The following ALDH1A1 variants were observed in gnomAD, a reference collection of about 807,000 sequenced individuals.
ALDH1A1 encodes aldehyde dehydrogenase 1A1.
ALDH1A1 carries 19 observed loss-of-function variants against 62.1 expected under a neutral mutation model. The observed-to-expected ratio is 0.31, with a 90% confidence interval of 0.21 to 0.45. ALDH1A1 has a LOEUF of 0.45. Among genes scored for constraint, ALDH1A1 ranks in the 20% least tolerant of loss-of-function variants. The pLI, the probability that ALDH1A1 is intolerant of heterozygous loss-of-function variation, is 1.00. For missense variants in ALDH1A1, 521 were observed against 607.1 expected (o/e 0.86, Z 1.49); for synonymous variants, 231 against 215.9 (o/e 1.07, Z -0.61).
In ALDH1A1 at chr9:72,925,597, C is replaced by T. The variant is rs769827616; in HGVS notation, c.520G>A (p.Val174Ile). The T allele has an allele frequency of 6.2e-7, 1 of 1,612,288 alleles. No homozygotes were observed. Among genetic ancestry groups the T allele is most frequent in the South Asian group, 1.1e-5 (1 of 90,670 alleles). ...GQIIPWNFPL[V>I]MLIWKIGPAL... is the part of the protein sequence containing the mutation. ...GGCCCTATCTTCCAAATGAGCATAA[C>T]CAACGGGAAATTCCACTAGAAAGCA... is the stretch of plus-strand genomic sequence containing the variant. Residue 174 changes from valine (V) to isoleucine (I), a missense_variant, in exon 6 of 13, where the codon GTT (valine) becomes ATT (isoleucine). Val to Ile is a conservative substitution (Grantham distance 29, BLOSUM62 3). Coordinates refer to ENST00000297785, the MANE Select transcript of ALDH1A1 (RefSeq NM_000689.5).
In ALDH1A1 at chr9:72,952,920, A is replaced by G; in HGVS notation, c.66+15T>C. On this transcript the variant is annotated intron_variant, in intron 1 of 12. Coordinates refer to ENST00000297785, the MANE Select transcript of ALDH1A1 (RefSeq NM_000689.5). ...GCAAACCCGAGTCAAAGCAGAAAAT[A>G]GAAGTTTTACTCACCTTAGTATATT... is the stretch of plus-strand genomic sequence containing the variant. 1 of 1,611,270 alleles carries G rather than the reference A, an allele frequency of 6.2e-7. No individual in the cohort carries two copies. Among genetic ancestry groups the G allele is most frequent in the East Asian group, 2.2e-5 (1 of 44,832 alleles).
chr9:72,920,848 T>C (rs1830131241), intron 7 of ALDH1A1, among the ~76,000 whole-genome samples: 1 of 152,256 alleles, frequency 6.6e-6, no homozygotes, highest in African/African-American at 2.4e-5. Context: ...CTAAACAGTG[T>C]ATTCCATGAT....
chr9:72,906,155 A>C, intron 11 of ALDH1A1, 123 bp from the exon 12 acceptor site: 1 of 611,930 alleles, frequency 1.6e-6, no homozygotes, highest in Non-Finnish European at 2.8e-6. Context: ...TAACATACTC[A>C]TCTTGATAAA....
At chr9:72,946,744 AC>A (rs549986411) in intron 1 of ALDH1A1, among the ~76,000 whole-genome samples, 4 of 151,330 alleles carry the variant, frequency 2.6e-5, no homozygotes, top group African/African-American at 9.7e-5. Flanking sequence ...ACCAAAGTGC[AC>A]CCCCCCACAC....
At chr9:72,943,700 T>C (rs1830442514) in intron 1 of ALDH1A1, among the ~76,000 whole-genome samples, 1 of 152,120 alleles carries the variant, frequency 6.6e-6, no homozygotes, top group African/African-American at 2.4e-5. Flanking sequence ...GTTTGTCCAA[T>C]AATGAGTAAA....
At position 72,909,452 on chromosome 9, in the gene ALDH1A1, C is replaced by A. The variant is rs892344684; in HGVS notation, c.1358+150G>T. 4.1e-6 allele frequency: 3 copies of A among 737,330 alleles called. No homozygotes were observed. The African/African-American group carries it at 5.5e-5, about 14-fold the overall frequency. 45.7% of individuals were successfully genotyped at this position (737,330 alleles called of 1,614,324 possible). On this transcript the variant is annotated intron_variant, in intron 11 of 12. Transcript: ENST00000297785. ...GGATTACAGGCATGAGCCACCGCAC[C>A]CAGCCTTTTGTTTGTTTTTCAAGGC... is the stretch of plus-strand genomic sequence containing the variant.
intron 12 of ALDH1A1, among the ~76,000 whole-genome samples, chr9:72,904,964 T>C (rs938533885): frequency 6.6e-6 from 1 of 152,140 alleles, no homozygotes; most frequent in Non-Finnish European, 1.5e-5. Context: ...TGAAAGCATA[T>C]TGAGAAAGTA....
At chr9:72,927,036 G>T in intron 5 of ALDH1A1, 80 bp downstream of exon 5, 1 of 1,042,316 alleles carries the variant, frequency 9.6e-7, no homozygotes, top group Non-Finnish European at 1.4e-6. Context: ...GCATCCATCT[G>T]TTTTAGAGAA....
intron 7 of ALDH1A1, among the ~76,000 whole-genome samples, 187 bp from the exon 8 acceptor site, chr9:72,919,009 C>A (rs940946500): frequency 2.3e-4 from 35 of 151,976 alleles, no homozygotes; most frequent in African/African-American, 7.7e-4. Flanking sequence ...GGCGCAATCT[C>A]GGCTCACTGC....
chr9:72,927,267 C>T, intron 4 of ALDH1A1, 90 bp from the exon 5 acceptor site: 2 of 955,048 alleles, frequency 2.1e-6, no homozygotes, highest in Non-Finnish European at 3.2e-6. Context: ...AAGGTGTAGA[C>T]AATAATTTTA....
chr9:72,907,017 C>T (rs771242549), intron 11 of ALDH1A1, among the ~76,000 whole-genome samples: 9 of 152,038 alleles, frequency 5.9e-5, no homozygotes, highest in Non-Finnish European at 1.3e-4. Flanking sequence ...AACAAAAAAC[C>T]AGGGTGGCTT....
intron 1 of ALDH1A1, chr9:72,942,441 CT>C: frequency 1.1e-6 from 1 of 901,064 alleles, no homozygotes; most frequent in Non-Finnish European, 1.3e-6. Context: ...CCTAGGTACC[CT>C]TTTGTATCAC....
intron 9 of ALDH1A1, among the ~76,000 whole-genome samples, chr9:72,913,566 G>T (rs1830018693): frequency 6.6e-6 from 1 of 152,064 alleles, no homozygotes. Context: ...ATGATATCTG[G>T]TTTTTATTTC....
At chr9:72,908,562 AGAAAG>A (rs1235936918) in intron 11 of ALDH1A1, among the ~76,000 whole-genome samples, 1 of 22,500 alleles carries the variant, frequency 4.4e-5, no homozygotes, top group East Asian at 1.4e-3. Flanking sequence ...GAAGAAAGAA[AGAAAG>A]AAAGAAAGAA....
chr9:72,943,574 T>G (rs1830441392), intron 1 of ALDH1A1, among the ~76,000 whole-genome samples: 1 of 152,176 alleles, frequency 6.6e-6, no homozygotes, highest in South Asian at 2.1e-4. Context: ...AGCACTGTTC[T>G]GCATTATTCA....
In ALDH1A1 at chr9:72,953,025, G is replaced by A. The variant is rs1316151999; in HGVS notation, c.-25C>T. On this transcript the variant is annotated 5_prime_UTR_variant, in exon 1 of 13. Coordinates refer to ENST00000297785, the MANE Select transcript of ALDH1A1 (RefSeq NM_000689.5). ...TTTCTGATTCGGCTCCTGGAACACA[G>A]GTGACTGGCTCAGCAATTTGGTTCT... is the stretch of plus-strand genomic sequence containing the variant. 1 of 1,612,718 alleles carries A rather than the reference G, an allele frequency of 6.2e-7. No homozygotes were observed. The highest frequency in any genetic ancestry group is 8.5e-7 in the Non-Finnish European group (1 of 1,179,126).
Position 72,902,927 on chromosome 9 carries a change from G to A in ALDH1A1, c.1434-1647C>T, listed in dbSNP as rs183983186. ...GTTGGCATTGGTAATAAACTTGCAA[G>A]TGATATCAACCTATGCTTCTTGTCC... On this transcript the variant is annotated intron_variant, in intron 12 of 12. Transcript: ENST00000297785. Among the ~76,000 whole-genome samples the A allele has an allele frequency of 5.9e-5, 9 of 151,620 alleles. No homozygotes were observed. In the East Asian group the frequency reaches 9.7e-4, roughly 16 times the overall value.
chr9:72,914,374 C>T (rs1410663067), intron 9 of ALDH1A1, among the ~76,000 whole-genome samples: 1 of 152,132 alleles, frequency 6.6e-6, no homozygotes, highest in East Asian at 1.9e-4. Context: ...GGACCAAGCA[C>T]TCTGATGGAT....
chr9:72,930,067 T>A (rs1317385975), intron 3 of ALDH1A1, among the ~76,000 whole-genome samples: 2 of 152,222 alleles, frequency 1.3e-5, no homozygotes, highest in Non-Finnish European at 2.9e-5. Context: ...GTTGATTTTT[T>A]AAAAATGTAG....
Sources: gnomAD v4.1 joint callset for allele counts (sites outside exome capture counted in the v4.1 genomes callset) on GRCh38, gnomAD v4.1.1 for gene constraint, MANE v1.5 for transcripts, NCBI Gene and HGNC (gene_info 2026-07-23, HGNC 2026-07-21) for gene names.